WDR1: variants seen among roughly 807,000 people sequenced by gnomAD.
WDR1 encodes WD repeat-containing protein 1.
WDR1 carries 21 observed loss-of-function variants against 71.9 expected under a neutral mutation model. The ratio of observed to expected loss-of-function variants is 0.29; its 90% CI spans 0.21 to 0.42. WDR1 has a LOEUF of 0.42. Among genes scored for constraint, WDR1 ranks in the 10% least tolerant of loss-of-function variants. WDR1 has a pLI of 1.00. For missense variants in WDR1, 696 were observed against 824.5 expected, an observed-to-expected ratio of 0.84 and a Z score of 1.91; for synonymous variants, 424 against 347.4, an observed-to-expected ratio of 1.22 and a Z score of -2.45.
intron 2 of WDR1, among the ~76,000 whole-genome samples, chr4:10,105,615 T>G (rs1712968518): frequency 6.6e-6 from 1 of 152,026 alleles, no homozygotes; most frequent in East Asian, 1.9e-4. Flanking sequence ...AAGACTGACA[T>G]CACCAAGTGC....
chr4:10,082,925 GT>G, intron 10 of WDR1, 96 bp downstream of exon 10: 1 of 1,460,412 alleles, frequency 6.8e-7, no homozygotes, highest in Non-Finnish European at 9.2e-7. Flanking sequence ...AAAGGAGCAA[GT>G]GAGGCGTCCT....
At chr4:10,115,907 TC>T (rs1386660290) in intron 2 of WDR1, 9 of 625,886 alleles carry the variant, frequency 1.4e-5, no homozygotes, top group Non-Finnish European at 2.2e-5. Flanking sequence ...AGACTCAGTT[TC>T]CTCATCAAGA....
chr4:10,111,655 C>T (rs578194995), intron 2 of WDR1, among the ~76,000 whole-genome samples: 1 of 152,302 alleles, frequency 6.6e-6, no homozygotes, highest in African/African-American at 2.4e-5. Flanking sequence ...GCGTCCAATT[C>T]CGGAGAAGCA....
At chr4:10,104,551 T>C (rs1223042023) in intron 2 of WDR1, among the ~76,000 whole-genome samples, 7 of 152,196 alleles carry the variant, frequency 4.6e-5, no homozygotes, top group African/African-American at 1.4e-4. Context: ...ATAGCACAGA[T>C]CAAAGGCTGG....
intron 2 of WDR1, 49 bp downstream of exon 2, chr4:10,116,064 C>A (rs757710115): frequency 8.1e-6 from 13 of 1,595,358 alleles, no homozygotes; most frequent in Admixed American, 3.4e-5. Context: ...ATTATCCCAT[C>A]CCAAGGTGGC....
At chr4:10,082,093 C>T (rs201336253) in intron 10 of WDR1, among the ~76,000 whole-genome samples, 3 of 152,184 alleles carry the variant, frequency 2.0e-5, no homozygotes, top group Admixed American at 6.5e-5. Flanking sequence ...TTTTATGGGA[C>T]GTGTTAAGAG....
intron 5 of WDR1, 69 bp downstream of exon 5, chr4:10,097,642 A>G (rs1347911383): frequency 1.3e-6 from 2 of 1,527,424 alleles, no homozygotes; most frequent in Admixed American, 1.9e-5. Flanking sequence ...ATCAGCATCT[A>G]AACAGGCTCA....
rs543732688 is a variant in WDR1 at position 10,088,289 on chromosome 4, T to G, written c.717+4A>C. 6.4e-7 allele frequency: 1 copy of G among 1,552,180 alleles called. No homozygotes were observed. Among genetic ancestry groups the G allele is most frequent in the East Asian group, 2.4e-5 (1 of 40,986 alleles). On this transcript the variant is annotated splice_donor_region_variant and intron_variant, in intron 7 of 14. Coordinates refer to ENST00000499869, the MANE Select transcript of WDR1 (RefSeq NM_017491.5). Reference sequence around the variant, plus strand: ...ACTAGGCCGGGAAACACGCTCATACTCACTGCGTAAATCCCACCGTCGTGG... The same window carrying G: ...ACTAGGCCGGGAAACACGCTCATACGCACTGCGTAAATCCCACCGTCGTGG...
At position 10,083,048 on chromosome 4, in the gene WDR1, G is replaced by A. The variant is rs753487866; in HGVS notation, c.1170C>T (p.Tyr390=). The change falls in exon 10 of 15, where the codon TAC becomes TAT. Residue 390 remains tyrosine, a synonymous_variant. Transcript: ENST00000499869. The part of the protein sequence containing the change: ...ISCSMDDTVR[Y]TSLMLRDYSG... ...TGTAGTCCCGCAGCATGAGGCTGGTGTACCGCACGGTGTCGTCCATGCTGC... is the reference window on the plus strand; with the variant it reads ...TGTAGTCCCGCAGCATGAGGCTGGTATACCGCACGGTGTCGTCCATGCTGC... The A allele has an allele frequency of 8.1e-6, 13 of 1,613,652 alleles. No homozygotes were observed. In the South Asian group the frequency reaches 1.3e-4, roughly 16 times the overall value.
chr4:10,080,627 C>G (rs951235230), intron 11 of WDR1, among the ~76,000 whole-genome samples: 1 of 152,260 alleles, frequency 6.6e-6, no homozygotes, highest in Non-Finnish European at 1.5e-5. Context: ...TGCCCCTTGA[C>G]TTCCCCGGTC....
At chr4:10,104,063 T>G in intron 2 of WDR1, 77 bp from the exon 3 acceptor site, 1 of 1,440,710 alleles carries the variant, frequency 6.9e-7, no homozygotes, top group East Asian at 2.5e-5. Context: ...TCAACAGATA[T>G]GGGGTGAAAG....
intron 5 of WDR1, among the ~76,000 whole-genome samples, chr4:10,090,760 TCA>T (rs765478125): frequency 2.0e-4 from 30 of 152,168 alleles, no homozygotes; most frequent in Non-Finnish European, 4.0e-4. Context: ...GCCGGAGAAA[TCA>T]CACATTCTGA....
At chr4:10,104,765 G>A (rs922213700) in intron 2 of WDR1, among the ~76,000 whole-genome samples, 2 of 152,198 alleles carry the variant, frequency 1.3e-5, no homozygotes, top group African/African-American at 4.8e-5. Context: ...TCTTTCAGGA[G>A]GGAATAAAGA....
Position 10,104,064 on chromosome 4 carries a change from G to A in WDR1, c.139-78C>T. 3.6e-6 allele frequency: 5 copies of A among 1,375,736 alleles called. No individual in the cohort carries two copies. In the South Asian group the frequency reaches 5.0e-5, roughly 14 times the overall value. The allele number at this position is 1,375,736 out of a possible 1,614,324, so 85.2% of individuals were successfully genotyped here. A position where few individuals can be genotyped will look rare whatever the true frequency, so the allele number is the denominator to read the frequency against. On this transcript the variant is annotated intron_variant, in intron 2 of 14. Transcript: ENST00000499869. ...TCCAGCTCTCCACATCAACAGATATGGGGTGAAAGGGGTGTACAAAGAAAC... is the reference window on the plus strand; with the variant it reads ...TCCAGCTCTCCACATCAACAGATATAGGGTGAAAGGGGTGTACAAAGAAAC...
intron 3 of WDR1, among the ~76,000 whole-genome samples, chr4:10,099,808 G>A (rs564478480): frequency 1.3e-5 from 2 of 152,370 alleles, no homozygotes; most frequent in African/African-American, 2.4e-5. Flanking sequence ...GAATCCAAGC[G>A]TAAGATTCTT....
chr4:10,078,787 C>T lies in WDR1; in HGVS notation c.1395+104G>A, dbSNP rs79334739. 1.2e-3 allele frequency: 1,145 copies of T among 984,608 alleles called. 12 individuals are homozygous for T. The African/African-American group carries it at 0.017, about 15-fold the overall frequency. 61.0% of individuals were successfully genotyped at this position (984,608 alleles called of 1,614,324 possible). The stretch of plus-strand genomic sequence containing the variant: ...GACTGCCCCCATCCTTCCCCTGACC[C>T]CTCGCCTTCCCTGAGACAGCCCCGG... On this transcript the variant is annotated intron_variant, in intron 12 of 14. Coordinates refer to ENST00000499869, the MANE Select transcript of WDR1 (RefSeq NM_017491.5).
chr4:10,078,877 G>A lies in WDR1; in HGVS notation c.1395+14C>T, dbSNP rs548884380. On this transcript the variant is annotated intron_variant, in intron 12 of 14. Coordinates refer to ENST00000499869, the MANE Select transcript of WDR1 (RefSeq NM_017491.5). ...CCAAGGACAGAGAGCACGGGGGAGA[G>A]GAAAGCGACTTACCACACCCCCAAT... 1 of 1,609,076 alleles carries A rather than the reference G, an allele frequency of 6.2e-7. No homozygotes were observed. Among genetic ancestry groups the A allele is most frequent in the African/African-American group, 1.3e-5 (1 of 74,938 alleles).
chr4:10,077,701 G>A, intron 13 of WDR1, 52 bp downstream of exon 13: 2 of 1,493,790 alleles, frequency 1.3e-6, no homozygotes, highest in Non-Finnish European at 8.9e-7. Context: ...ACCTCCCACT[G>A]CCACCTGCAC....
At chr4:10,085,687 C>A (rs1055738962) in intron 8 of WDR1, among the ~76,000 whole-genome samples, 2 of 152,254 alleles carry the variant, frequency 1.3e-5, no homozygotes, top group African/African-American at 2.4e-5. Flanking sequence ...TGGAGGCCTG[C>A]AAGCTCCTGC....
Sources: allele counts gnomAD v4.1 joint callset (sites outside exome capture counted in the v4.1 genomes callset), GRCh38; gene constraint gnomAD v4.1.1; transcripts MANE v1.5; gene names NCBI Gene and HGNC (gene_info 2026-07-23, HGNC 2026-07-21).